The following PATJ variants were observed in gnomAD, a reference collection of about 807,000 sequenced individuals.
PATJ encodes the protein inaD-like protein.
PATJ carries 190 observed loss-of-function variants against 224.9 expected under a neutral mutation model. That is an observed-to-expected ratio of 0.84 (90% CI 0.75 to 0.95). The LOEUF is 0.95. Among genes scored for constraint, PATJ ranks in the 40% least tolerant of loss-of-function variants. PATJ has a pLI of 0.00. For missense variants in PATJ, 2,121 were observed against 2,270.3 expected, an observed-to-expected ratio of 0.93 and a Z score of 1.34; for synonymous variants, 769 against 820.3, an observed-to-expected ratio of 0.94 and a Z score of 1.07.
chr1:61,974,517 G>A (rs930293629), intron 27 of PATJ, among the ~76,000 whole-genome samples: 9 of 145,426 alleles, frequency 6.2e-5, no homozygotes, highest in Admixed American at 1.4e-4. Flanking sequence ...AGGTTCAAGC[G>A]ATTCTCCTGA....
intron 27 of PATJ, among the ~76,000 whole-genome samples, chr1:61,964,078 TTCCC>T (rs537427716): frequency 2.0e-5 from 3 of 151,786 alleles, no homozygotes; most frequent in Non-Finnish European, 4.4e-5. Flanking sequence ...TCCTTCCTTC[TTCCC>T]TCCCTCCCTC....
intron 14 of PATJ, among the ~76,000 whole-genome samples, chr1:61,810,042 G>A (rs927077409): frequency 4.6e-5 from 7 of 151,514 alleles, no homozygotes; most frequent in Non-Finnish European, 8.8e-5. Context: ...TAGAGATGGG[G>A]TTTCACCATG....
intron 28 of PATJ, among the ~76,000 whole-genome samples, chr1:62,001,072 A>G (rs1339556624): frequency 3.3e-5 from 5 of 151,816 alleles, no homozygotes; most frequent in African/African-American, 9.7e-5. Flanking sequence ...TGAGTTCATT[A>G]TAGATTCTGG....
In PATJ at chr1:62,079,676, A is replaced by G. The variant is rs184147147; in HGVS notation, c.4243+109A>G. 4.2e-4 allele frequency: 301 copies of G among 724,150 alleles called. 2 individuals carry two copies. The highest frequency in any genetic ancestry group is 2.2e-3 in the Middle Eastern group (9 of 4,086). 44.9% of individuals were successfully genotyped at this position (724,150 alleles called of 1,614,324 possible). On this transcript the variant is annotated intron_variant, in intron 32 of 43. Coordinates refer to ENST00000642238, the MANE Select transcript of PATJ (RefSeq NM_001350145.3). ...CCAGGAGGCAGAAGTCTGACTCTGG[A>G]TACTTCCTCCGCTTCCTTAGCTTTG...
At position 61,901,385 on chromosome 1, in the gene PATJ, T is replaced by C; in HGVS notation, c.3307T>C (p.Phe1103Leu). Residue 1103 changes from phenylalanine (F) to leucine (L), a missense_variant, in exon 24 of 44, where the codon TTC (phenylalanine) becomes CTC (leucine). By Grantham distance (22) the Phe-to-Leu change is conservative (BLOSUM62 0). Transcript: ENST00000642238. ...GAATGGAGAGGAGCTTAAAGGTATA[T>C]TCATCAAACAAGTTTTAGAAGACAG... ...LKNGEELKGI[F>L]IKQVLEDSPA... is the part of the protein sequence containing the mutation. 6.3e-7 allele frequency: 1 copy of C among 1,587,410 alleles called. No individual in the cohort carries two copies. Among genetic ancestry groups the C allele is most frequent in the Non-Finnish European group, 8.5e-7 (1 of 1,170,772 alleles).
rs1474001296 is a variant in PATJ, at chr1:62,086,606, T to C, written c.4377+1958T>C. Among the ~76,000 whole-genome samples the C allele has an allele frequency of 6.6e-6, 1 of 152,230 alleles. No homozygotes were observed. Among genetic ancestry groups the C allele is most frequent in the Admixed American group, 6.5e-5 (1 of 15,278 alleles). On this transcript the variant is annotated intron_variant, in intron 33 of 43. Coordinates refer to ENST00000642238, the MANE Select transcript of PATJ (RefSeq NM_001350145.3). The surrounding 1 kb of genome is among the most constrained non-coding windows in gnomAD (Gnocchi z 4.0). ...CACATTGGGCAGTAATGTAACATTTTTGTGGTAGTACTGTTGGGGGTGGGG... is the reference window on the plus strand; with the variant it reads ...CACATTGGGCAGTAATGTAACATTTCTGTGGTAGTACTGTTGGGGGTGGGG...
intron 19 of PATJ, among the ~76,000 whole-genome samples, chr1:61,861,868 TC>T (rs1006655158): frequency 1.3e-5 from 2 of 152,236 alleles, no homozygotes; most frequent in Non-Finnish European, 2.9e-5. Context: ...TTTCTCTCTC[TC>T]TCTCTTTTTT....
At chr1:62,092,121 T>G (rs907861414) in intron 33 of PATJ, among the ~76,000 whole-genome samples, 3 of 151,704 alleles carry the variant, frequency 2.0e-5, no homozygotes, top group African/African-American at 7.3e-5. Flanking sequence ...CTCACACCTG[T>G]AATCCCAGAC....
At chr1:62,157,849 AAAAAAAT>A (rs1308332115) in intron 43 of PATJ, among the ~76,000 whole-genome samples, 7 of 135,116 alleles carry the variant, frequency 5.2e-5, no homozygotes, top group African/African-American at 1.6e-4. Context: ...AAAAAAAAAA[AAAAAAAT>A]AATCCAAGCC....
intron 32 of PATJ, among the ~76,000 whole-genome samples, chr1:62,082,210 A>G (rs1659372748): frequency 6.6e-6 from 1 of 151,998 alleles, no homozygotes; most frequent in African/African-American, 2.4e-5. Flanking sequence ...TTATGGTTGT[A>G]TCACTGAATT....
intron 30 of PATJ, among the ~76,000 whole-genome samples, chr1:62,046,411 T>G (rs1052761948): frequency 6.6e-6 from 1 of 152,220 alleles, no homozygotes; most frequent in Non-Finnish European, 1.5e-5. Flanking sequence ...CTCCCTCAAT[T>G]CCAACTTCCT....
intron 15 of PATJ, among the ~76,000 whole-genome samples, chr1:61,825,041 C>T (rs1657993718): frequency 6.6e-6 from 1 of 152,190 alleles, no homozygotes; most frequent in Non-Finnish European, 1.5e-5. Flanking sequence ...TGAATTGCCA[C>T]AGGTTAGCAT....
chr1:61,991,058 G>T (rs1645030378), intron 28 of PATJ, among the ~76,000 whole-genome samples: 1 of 152,102 alleles, frequency 6.6e-6, no homozygotes, highest in Non-Finnish European at 1.5e-5. Context: ...ACACTTTTGA[G>T]TGTCTATTAG....
At chr1:61,976,111 C>G (rs1644114373) in intron 27 of PATJ, among the ~76,000 whole-genome samples, 1 of 151,938 alleles carries the variant, frequency 6.6e-6, no homozygotes, top group Non-Finnish European at 1.5e-5. Flanking sequence ...TGGGGATTGC[C>G]TATACGTGTT....
chr1:61,788,110 A>G, intron 8 of PATJ, 138 bp downstream of exon 8: 1 of 616,500 alleles, frequency 1.6e-6, no homozygotes, highest in Non-Finnish European at 2.8e-6. Context: ...AAAAAAACTT[A>G]TTGGGAGACA....
At position 62,128,836 on chromosome 1, in the gene PATJ, TC is replaced by T; in HGVS notation, c.5167-3del. 1 of 1,594,310 alleles carries T rather than the reference TC, an allele frequency of 6.3e-7. No individual in the cohort carries two copies. The highest frequency in any genetic ancestry group is 8.6e-7 in the Non-Finnish European group (1 of 1,162,180). ...AGTGATTTTCTGTCATTTTTGTACT[TC>T]CAGGTTGGAGATCGGATTGTCAGCA... On this transcript the variant is annotated splice_polypyrimidine_tract_variant and splice_region_variant and intron_variant, in intron 40 of 43. Transcript: ENST00000642238.
At chr1:61,813,182 G>T (rs1164520014) in intron 14 of PATJ, among the ~76,000 whole-genome samples, 1 of 151,298 alleles carries the variant, frequency 6.6e-6, no homozygotes, top group Non-Finnish European at 1.5e-5. Context: ...AAGACAGCAA[G>T]GAAAAAAGGC....
intron 7 of PATJ, among the ~76,000 whole-genome samples, chr1:61,785,260 T>C (rs1270032390): frequency 1.3e-5 from 2 of 152,238 alleles, no homozygotes; most frequent in African/African-American, 2.4e-5. Context: ...ATTTTTCATC[T>C]TCATTTCATT....
At chr1:62,035,261 G>A (rs774213670) in intron 29 of PATJ, among the ~76,000 whole-genome samples, 19 of 152,254 alleles carry the variant, frequency 1.2e-4, no homozygotes, top group Admixed American at 2.6e-4. Context: ...AAACAGATGC[G>A]CTTGATACGC....
Sources: gnomAD v4.1 joint callset for allele counts (sites outside exome capture counted in the v4.1 genomes callset) on GRCh38, gnomAD v4.1.1 for gene constraint, Gnocchi (gnomAD v3.1) non-coding constraint, MANE v1.5 for transcripts, NCBI Gene and HGNC (gene_info 2026-07-23, HGNC 2026-07-21) for gene names.